The following RUNX3 variants were observed in gnomAD, a reference collection of about 807,000 sequenced individuals.
The protein encoded by RUNX3 is RUNX family transcription factor 3, also known as runt-related transcription factor 3.
Under a neutral mutation model 27.7 loss-of-function variants are expected in RUNX3, and 10 were observed. That is an observed-to-expected ratio of 0.36 (90% confidence interval 0.22 to 0.61). The LOEUF is 0.61. RUNX3 is among the 20% of genes least tolerant of loss of function. RUNX3 has a pLI of 0.72. For synonymous variants in RUNX3, 270 were observed against 269.2 expected, an observed-to-expected ratio of 1.00 and a Z score of -0.03; for missense variants, 469 against 629.5, an observed-to-expected ratio of 0.75 and a Z score of 2.73.
intron 2 of RUNX3, among the ~76,000 whole-genome samples, chr1:24,948,520 G>A (rs955754297): frequency 6.6e-6 from 1 of 152,138 alleles, no homozygotes; most frequent in Non-Finnish European, 1.5e-5. Flanking sequence ...CTGACCTGAA[G>A]GTGGGCACAT....
chr1:24,964,935 G>C, exon 1 of RUNX3: 1 of 319,990 alleles, frequency 3.1e-6, no homozygotes, highest in Non-Finnish European at 6.0e-6. Context: ...AGGGGCTTTC[G>C]GCAGCCAGGG....
chr1:24,905,680 G>A (rs1177588964), intron 4 of RUNX3, among the ~76,000 whole-genome samples: 2 of 152,224 alleles, frequency 1.3e-5, no homozygotes, highest in Admixed American at 1.3e-4. Context: ...CTTCCATGGG[G>A]GCTGGTGGAC....
At chr1:24,945,182 TAATG>T (rs1435092540) in intron 2 of RUNX3, among the ~76,000 whole-genome samples, 1 of 152,204 alleles carries the variant, frequency 6.6e-6, no homozygotes, top group Non-Finnish European at 1.5e-5. Context: ...TTCAGATAAA[TAATG>T]AACTCCTTTT....
At chr1:24,905,720 A>G (rs1022480814) in intron 4 of RUNX3, among the ~76,000 whole-genome samples, 2 of 152,156 alleles carry the variant, frequency 1.3e-5, no homozygotes, top group Non-Finnish European at 2.9e-5. Flanking sequence ...CACCTCCTGG[A>G]TTCTGGCTCC....
Position 24,901,957 on chromosome 1 carries a change from C to T in RUNX3, c.*165G>A. The T allele has an allele frequency of 1.5e-6, 1 of 652,036 alleles. No homozygotes were observed. The highest frequency in any genetic ancestry group is 2.6e-6 in the Non-Finnish European group (1 of 385,670). 40.4% of individuals were successfully genotyped at this position (652,036 alleles called of 1,614,324 possible). A position where few individuals can be genotyped will look rare whatever the true frequency, so the allele number is the denominator to read the frequency against. On this transcript the variant is annotated 3_prime_UTR_variant, in exon 5 of 5. Transcript: ENST00000308873. ...CCTATGCCTCTGTACAAGGATGTGG[C>T]TGCACAGATGCAGCCAGAGGCTCCC... is the stretch of plus-strand genomic sequence containing the variant.
chr1:24,929,538 G>A (rs891276817), intron 1 of RUNX3, 49 bp downstream of exon 1: 6 of 1,520,628 alleles, frequency 3.9e-6, no homozygotes, highest in Admixed American at 3.8e-5. Flanking sequence ...CAGCTCAGAC[G>A]CCCGGAGCCC....
At chr1:24,919,189 A>C (rs746649707) in intron 3 of RUNX3, 51 bp downstream of exon 3, 1 of 1,200,526 alleles carries the variant, frequency 8.3e-7, no homozygotes, top group South Asian at 1.3e-5. Context: ...TCCTTCCCGC[A>C]CTGGACCCTC....
At chr1:24,954,617 C>T (rs547277038) in intron 2 of RUNX3, among the ~76,000 whole-genome samples, 71 of 152,302 alleles carry the variant, frequency 4.7e-4, no homozygotes, top group African/African-American at 1.6e-3. Context: ...ATCATGCCGC[C>T]GTCACTAGCC....
At chr1:24,915,642 C>T (rs1640875257) in intron 3 of RUNX3, among the ~76,000 whole-genome samples, 1 of 152,050 alleles carries the variant, frequency 6.6e-6, no homozygotes, top group African/African-American at 2.4e-5. Context: ...GTGTGCCATG[C>T]ATCTGGGGGT....
rs1640888327 is a variant in RUNX3 at position 24,916,315 on chromosome 1, A to G, written c.544+2925T>C. The stretch of plus-strand genomic sequence containing the variant: ...AACCTTCACAGCGACTCCCCTAGGC[A>G]GACACCAATACCATCCATTTGACAG... On this transcript the variant is annotated intron_variant, in intron 3 of 4. Coordinates refer to ENST00000308873, the MANE Select transcript of RUNX3 (RefSeq NM_004350.3). This position sits in a 1 kb window ranked among gnomAD's most constrained non-coding sequence, Gnocchi z 4.8. Among the ~76,000 whole-genome samples, 1 of 152,236 alleles carries G rather than the reference A, an allele frequency of 6.6e-6. No individual in the cohort carries two copies. The highest frequency in any genetic ancestry group is 1.5e-5 in the Non-Finnish European group (1 of 68,034).
At chr1:24,931,219 G>A (rs1206948329), upstream of RUNX3, among the ~76,000 whole-genome samples, 2 of 152,260 alleles carry the variant, frequency 1.3e-5, no homozygotes, top group Admixed American at 6.5e-5. Context: ...CTCCATGCGG[G>A]TGGAAAGTGG....
chr1:24,930,310 CCGGGGCCCG>C (rs1436673036), upstream of RUNX3: 2 of 852,466 alleles, frequency 2.3e-6, no homozygotes, highest in Non-Finnish European at 2.8e-6. The surrounding 1 kb of genome is among the most constrained non-coding windows in gnomAD (Gnocchi z 4.1). Context: ...GTTAGTACCC[CCGGGGCCCG>C]CGGGGCGGGG....
chr1:24,916,486 G>T lies in RUNX3; in HGVS notation c.544+2754C>A, dbSNP rs575178523. On this transcript the variant is annotated intron_variant, in intron 3 of 4. Coordinates refer to ENST00000308873, the MANE Select transcript of RUNX3 (RefSeq NM_004350.3). The surrounding 1 kb of genome is among the most constrained non-coding windows in gnomAD (Gnocchi z 4.8). ...TATCCTCTCCTGGGGTTGCCCAAGAGATCAGTTACTGGGGACTTTGCACAG... is the reference window on the plus strand; with the variant it reads ...TATCCTCTCCTGGGGTTGCCCAAGATATCAGTTACTGGGGACTTTGCACAG... Among the ~76,000 whole-genome samples the T allele has an allele frequency of 2.6e-5, 4 of 152,318 alleles. No homozygotes were observed. In the South Asian group the frequency reaches 8.3e-4, roughly 32 times the overall value.
chr1:24,936,432 C>T (rs1041652338), intron 2 of RUNX3, among the ~76,000 whole-genome samples: 1 of 152,156 alleles, frequency 6.6e-6, no homozygotes, highest in African/African-American at 2.4e-5. Context: ...ACCAGATGCT[C>T]AGAGTTACAG....
chr1:24,953,747 G>T (rs975741042), intron 2 of RUNX3, among the ~76,000 whole-genome samples: 1 of 152,118 alleles, frequency 6.6e-6, no homozygotes, highest in Non-Finnish European at 1.5e-5. Context: ...ACTTTTTTAG[G>T]GCCAACATGG....
At position 24,902,818 on chromosome 1, in the gene RUNX3, GGCCTCCCCCGC is replaced by G; in HGVS notation, c.704-163_704-153del. 1 of 586,728 alleles carries G rather than the reference GGCCTCCCCCGC, an allele frequency of 1.7e-6. No individual in the cohort carries two copies. Among genetic ancestry groups the G allele is most frequent in the Non-Finnish European group, 2.7e-6 (1 of 376,306 alleles). 36.3% of individuals were successfully genotyped at this position (586,728 alleles called of 1,614,324 possible). On this transcript the variant is annotated intron_variant, in intron 4 of 4. Coordinates refer to ENST00000308873, the MANE Select transcript of RUNX3 (RefSeq NM_004350.3). This position sits in a 1 kb window ranked among gnomAD's most constrained non-coding sequence, Gnocchi z 9.2. Reference sequence around the variant, plus strand: ...CCTCTTCCTGCCCTAGGCTGCCCGGGGCCTCCCCCGCCAGGACTCCGAACACAGACCTGCCG... The same window carrying G: ...CCTCTTCCTGCCCTAGGCTGCCCGGGCAGGACTCCGAACACAGACCTGCCG...
chr1:24,952,319 A>G (rs1163076020), intron 2 of RUNX3, among the ~76,000 whole-genome samples: 1 of 152,170 alleles, frequency 6.6e-6, no homozygotes, highest in Non-Finnish European at 1.5e-5. Flanking sequence ...CCCCTTCCAG[A>G]TGCATCATCT....
rs1336791861 is a variant in RUNX3 at position 24,900,142 on chromosome 1, T to C, written c.*1980A>G. 6.6e-6 allele frequency: 1 copy of C among 152,328 alleles called. No individual in the cohort carries two copies. Among genetic ancestry groups the C allele is most frequent in the Non-Finnish European group, 1.5e-5 (1 of 68,046 alleles). The allele number at this position is 152,328 out of a possible 1,614,324, so 9.4% of individuals were successfully genotyped here. ...AGAAACTACAAGGACAATGGATTCA[T>C]AGCTGCTTCCTAAGAAGGCATGGAG... On this transcript the variant is annotated 3_prime_UTR_variant, in exon 5 of 5. Coordinates refer to ENST00000308873, the MANE Select transcript of RUNX3 (RefSeq NM_004350.3).
rs564762590 is a variant in RUNX3 at position 24,941,944 on chromosome 1, A to T, written c.59-12092T>A. On this transcript the variant is annotated intron_variant, in intron 2 of 6. Transcript: ENST00000338888. ...GTTGGCATAAGTTTCCACTGGCAGG[A>T]ATGTGACATTTATCACCTGAGTGGG... Among the ~76,000 whole-genome samples, 8 of 152,296 alleles carry T rather than the reference A, an allele frequency of 5.3e-5. No individual in the cohort carries two copies. In the South Asian group the frequency reaches 1.2e-3, roughly 24 times the overall value.
Sources: gnomAD v4.1 joint callset for allele counts (sites outside exome capture counted in the v4.1 genomes callset) on GRCh38, gnomAD v4.1.1 for gene constraint, Gnocchi (gnomAD v3.1) non-coding constraint, MANE v1.5 for transcripts, NCBI Gene and HGNC (gene_info 2026-07-23, HGNC 2026-07-21) for gene names.